EXOC6: variants seen among roughly 807,000 people sequenced by gnomAD.
The protein encoded by EXOC6 is exocyst complex component 6, also known as SEC15-like 1.
Under a neutral mutation model 112.5 loss-of-function variants are expected in EXOC6, and 60 were observed. The ratio of observed to expected loss-of-function variants is 0.53; its 90% confidence interval spans 0.43 to 0.66. EXOC6 has a LOEUF of 0.66. Ranked by LOEUF, EXOC6 falls within the 30% of genes least tolerant of loss-of-function variation. EXOC6 has a pLI of 0.00. For synonymous variants in EXOC6, 295 were observed against 308.0 expected, an observed-to-expected ratio of 0.96 and a Z score of 0.44; for missense variants, 855 against 957.1, an observed-to-expected ratio of 0.89 and a Z score of 1.41.
chr10:93,044,971 C>T (rs1845935055), intron 20 of EXOC6, among the ~76,000 whole-genome samples: 1 of 152,142 alleles, frequency 6.6e-6, no homozygotes, highest in Admixed American at 6.5e-5. Context: ...CTCCTGGGTT[C>T]AAGCAATTCT....
In EXOC6 at chr10:92,915,913, G is replaced by T; in HGVS notation, c.819G>T (p.Glu273Asp). Residue 273 changes from glutamate (E) to aspartate (D), a missense_variant and splice_region_variant, in exon 7 of 22, where the codon GAG (glutamate) becomes GAT (aspartate). Physicochemically the swap from Glu to Asp is conservative, Grantham distance 45. Transcript: ENST00000260762. ...SLEEEDENEE[E>D]ILTVQDLVDF... ...AAGAAGAGGATGAGAATGAAGAAGA[G>T]GTGATAGGTGTCTTTCTTTCTTTTC... 1 of 1,520,270 alleles carries T rather than the reference G, an allele frequency of 6.6e-7. No individual in the cohort carries two copies. The highest frequency in any genetic ancestry group is 1.3e-5 in the South Asian group (1 of 74,324). 94.2% of individuals were successfully genotyped at this position (1,520,270 alleles called of 1,614,324 possible). A position where few individuals can be genotyped will look rare whatever the true frequency, so the allele number is the denominator to read the frequency against.
At chr10:93,057,366 A>C (rs1279854643) in intron 21 of EXOC6, among the ~76,000 whole-genome samples, 11 of 152,168 alleles carry the variant, frequency 7.2e-5, no homozygotes, top group Non-Finnish European at 5.9e-5. Context: ...TCAGGAAAGA[A>C]GGTATTTTGT....
intron 15 of EXOC6, 37 bp from the exon 16 acceptor site, chr10:92,954,592 TA>T (rs1396843284): frequency 9.9e-7 from 1 of 1,009,938 alleles, no homozygotes; most frequent in Non-Finnish European, 1.5e-6. Context: ...CCACATTCAT[TA>T]TTTATTAAGT....
Position 93,044,696 on chromosome 10 carries a change from A to G in EXOC6, c.2170-12228A>G, listed in dbSNP as rs185075101. 1.1e-4 allele frequency among the ~76,000 whole-genome samples: 17 copies of G among 151,896 alleles called. No individual in the cohort carries two copies. In the East Asian group the frequency reaches 2.7e-3, roughly 24 times the overall value. On this transcript the variant is annotated intron_variant, in intron 20 of 21. Coordinates refer to ENST00000260762, the MANE Select transcript of EXOC6 (RefSeq NM_019053.6). ...AGATTTATTGCCAAAATTGGAGTCT[A>G]TTTTTTTTCCCACTAATTTATTGCC... is the stretch of plus-strand genomic sequence containing the variant.
At chr10:92,911,112 A>G (rs943011949) in intron 6 of EXOC6, among the ~76,000 whole-genome samples, 12 of 152,218 alleles carry the variant, frequency 7.9e-5, no homozygotes, top group African/African-American at 2.2e-4. Flanking sequence ...TTGCAATGTC[A>G]TAGAAATGAA....
Position 92,996,026 on chromosome 10 carries a change from A to G in EXOC6, c.1954-1448A>G, listed in dbSNP as rs145789556. Among the ~76,000 whole-genome samples, 488 of 152,304 alleles carry G rather than the reference A, an allele frequency of 3.2e-3. 7 individuals are homozygous for G. Among genetic ancestry groups the G allele is most frequent in the African/African-American group, 0.011 (460 of 41,572 alleles). ...TCAACCCTATGTAATATGTTTTTGT[A>G]CTAATATATTGTAACATTTCTGTTT... On this transcript the variant is annotated intron_variant, in intron 18 of 21. Coordinates refer to ENST00000260762, the MANE Select transcript of EXOC6 (RefSeq NM_019053.6).
chr10:93,016,543 A>T (rs1050613336), intron 20 of EXOC6, among the ~76,000 whole-genome samples: 2 of 152,296 alleles, frequency 1.3e-5, no homozygotes, highest in East Asian at 1.9e-4. Flanking sequence ...AAACTTTTGG[A>T]TATTCCGGAA....
intron 1 of EXOC6, among the ~76,000 whole-genome samples, chr10:92,839,077 A>G (rs1032053885): frequency 1.3e-5 from 2 of 152,152 alleles, no homozygotes; most frequent in Non-Finnish European, 2.9e-5. Flanking sequence ...CTCTAAAAAA[A>G]AAAAAAATCC....
intron 18 of EXOC6, among the ~76,000 whole-genome samples, chr10:92,996,392 G>A (rs1314571390): frequency 5.3e-5 from 8 of 152,086 alleles, no homozygotes; most frequent in African/African-American, 1.7e-4. Flanking sequence ...AGGCCAAGGC[G>A]GGCGGATCAC....
intron 19 of EXOC6, among the ~76,000 whole-genome samples, chr10:93,004,262 A>T (rs770033211): frequency 3.9e-5 from 6 of 152,230 alleles, no homozygotes; most frequent in Non-Finnish European, 8.8e-5. Flanking sequence ...AATTCAACAT[A>T]GAAGATTTGA....
At position 93,058,681 on chromosome 10, in the gene EXOC6, T is replaced by A. The variant is rs12354891; in HGVS notation, c.*326T>A. ...ATATGCCTCTACTCATAAGTATTTT[T>A]TTCTATTTAGACTTGAATGATAATC... On this transcript the variant is annotated 3_prime_UTR_variant, in exon 22 of 22. Coordinates refer to ENST00000260762, the MANE Select transcript of EXOC6 (RefSeq NM_019053.6). 0.091 allele frequency: 16,841 copies of A among 185,914 alleles called. 848 individuals carry two copies. Among genetic ancestry groups the A allele is most frequent in the Admixed American group, 0.15 (2,590 of 16,778 alleles). 11.5% of individuals were successfully genotyped at this position (185,914 alleles called of 1,614,324 possible).
chr10:92,880,153 G>A (rs1288235581), intron 1 of EXOC6, among the ~76,000 whole-genome samples: 1 of 152,190 alleles, frequency 6.6e-6, no homozygotes, highest in African/African-American at 2.4e-5. Context: ...CATGGATGTT[G>A]AAATCTCTTA....
At chr10:93,032,475 G>A (rs1845317590) in intron 20 of EXOC6, among the ~76,000 whole-genome samples, 1 of 152,206 alleles carries the variant, frequency 6.6e-6, no homozygotes, top group Admixed American at 6.5e-5. Context: ...TGAGAAGAAA[G>A]TCTAATGTTT....
intron 1 of EXOC6, among the ~76,000 whole-genome samples, chr10:92,873,234 C>G (rs1400183413): frequency 6.6e-6 from 1 of 152,088 alleles, no homozygotes; most frequent in Non-Finnish European, 1.5e-5. Context: ...TCTGTGCTGG[C>G]TGATTATGAA....
intron 7 of EXOC6, among the ~76,000 whole-genome samples, chr10:92,916,264 A>G (rs978876051): frequency 2.6e-5 from 4 of 152,200 alleles, no homozygotes; most frequent in African/African-American, 9.7e-5. Context: ...TAATCCCAGC[A>G]CTTTGCAAGG....
At chr10:92,834,152 A>G (rs556188245), upstream of EXOC6, among the ~76,000 whole-genome samples, 1 of 152,254 alleles carries the variant, frequency 6.6e-6, no homozygotes. Context: ...GTAGAGAAGC[A>G]AAGGAGATAG....
chr10:92,944,011 C>A (rs925696046), intron 13 of EXOC6, among the ~76,000 whole-genome samples: 1 of 152,182 alleles, frequency 6.6e-6, no homozygotes, highest in Non-Finnish European at 1.5e-5. Context: ...TATTTGACTT[C>A]TGTGCCTAGC....
intron 1 of EXOC6, among the ~76,000 whole-genome samples, chr10:92,892,586 A>G (rs942833024): frequency 6.6e-6 from 1 of 152,212 alleles, no homozygotes; most frequent in Non-Finnish European, 1.5e-5. Context: ...TTGGCAGTCA[A>G]AGCCTTCCAG....
At chr10:92,928,793 CA>C (rs960360630) in intron 9 of EXOC6, among the ~76,000 whole-genome samples, 29 of 151,928 alleles carry the variant, frequency 1.9e-4, no homozygotes, top group African/African-American at 6.8e-4. Context: ...AACAAACAAA[CA>C]AAAAGACAAG....
Sources: gnomAD v4.1 joint callset for allele counts (sites outside exome capture counted in the v4.1 genomes callset) on GRCh38, gnomAD v4.1.1 for gene constraint, MANE v1.5 for transcripts, NCBI Gene and HGNC (gene_info 2026-07-23, HGNC 2026-07-21) for gene names.